The following ILDR1 variants were observed in gnomAD, a reference collection of about 807,000 sequenced individuals.
ILDR1 encodes immunoglobulin like domain containing receptor 1.
In ILDR1, 56 loss-of-function variants were observed where a neutral mutation model predicts 62.4. The observed-to-expected ratio is 0.90, with a 90% confidence interval of 0.72 to 1.12. The LOEUF (loss-of-function observed/expected upper bound fraction) is 1.12, where lower values mean the gene tolerates loss of function less well. Ranked by LOEUF, ILDR1 falls within the 50% of genes most tolerant of loss-of-function variation. The pLI is 0.00. For missense variants in ILDR1, 736 were observed against 710.6 expected (o/e 1.04, Z -0.41); for synonymous variants, 284 against 277.8 (o/e 1.02, Z -0.22).
the ILDR1 span, among the ~76,000 whole-genome samples, chr3:122,052,137 C>T: frequency 6.6e-6 from 1 of 152,152 alleles, no homozygotes. Context: ...TTCTATTTTT[C>T]TCTTGCCCTC....
intron 1 of ILDR1, among the ~76,000 whole-genome samples, chr3:122,011,138 G>A (rs1303443528): frequency 5.3e-5 from 8 of 152,190 alleles, no homozygotes. Flanking sequence ...CTCTGACACA[G>A]TAAAATAAAG....
the ILDR1 span, among the ~76,000 whole-genome samples, chr3:122,059,685 CG>C: frequency 4.6e-5 from 7 of 152,070 alleles, no homozygotes; most frequent in African/African-American, 1.7e-4. Flanking sequence ...ACATGTTAAG[CG>C]TTGAATTGTG....
At chr3:122,045,079 A>T in the ILDR1 span, among the ~76,000 whole-genome samples, 3 of 151,452 alleles carry the variant, frequency 2.0e-5, no homozygotes, top group East Asian at 5.8e-4. Flanking sequence ...CCCTCTACAC[A>T]CTGCTTTAAA....
At chr3:122,029,379 C>T in the ILDR1 span, among the ~76,000 whole-genome samples, 11 of 151,844 alleles carry the variant, frequency 7.2e-5, no homozygotes, top group Non-Finnish European at 1.5e-5. Flanking sequence ...TGGTGGTGCA[C>T]ACCTGTAATC....
At chr3:122,059,499 G>A in the ILDR1 span, among the ~76,000 whole-genome samples, 3 of 150,302 alleles carry the variant, frequency 2.0e-5, no homozygotes, top group African/African-American at 4.9e-5. Context: ...TAGCACCACG[G>A]CACTCCAGCC....
chr3:122,031,251 G>T, the ILDR1 span, among the ~76,000 whole-genome samples: 1 of 152,176 alleles, frequency 6.6e-6, no homozygotes, highest in African/African-American at 2.4e-5. Flanking sequence ...GAGTTAACTA[G>T]ATCAGTAGTT....
rs750206934 is a variant in ILDR1, at chr3:121,988,399, T to G, written c.1609A>C (p.Ser537Arg). ...GSVERRSEKD[S>R]SHSGRSVVI Reference sequence around the variant, plus strand: ...ACCACACTCCTTCCACTATGAGAGCTGTCTTTCTCCTGGGAAATAGAAGAA... The same window carrying G: ...ACCACACTCCTTCCACTATGAGAGCGGTCTTTCTCCTGGGAAATAGAAGAA... The change falls in exon 8 of 8, where the codon AGC becomes CGC. Residue 537 changes from serine to arginine, a missense_variant. Physicochemically the swap from Ser to Arg is moderately radical, Grantham distance 110 (BLOSUM62 -1). Transcript: ENST00000344209. The G allele has an allele frequency of 1.2e-6, 2 of 1,613,524 alleles. No homozygotes were observed. Among genetic ancestry groups the G allele is most frequent in the Admixed American group, 1.7e-5 (1 of 59,992 alleles).
chr3:122,005,213 C>CCCCTTCCCCAGA, intron 3 of ILDR1, 31 bp downstream of exon 3: 1 of 1,268,180 alleles, frequency 7.9e-7, no homozygotes, highest in Non-Finnish European at 1.1e-6. Flanking sequence ...CCCCCCACCC[C>CCCCTTCCCCAGA]CAGTTCCCCT....
At chr3:122,048,472 AT>A in the ILDR1 span, among the ~76,000 whole-genome samples, 2 of 152,164 alleles carry the variant, frequency 1.3e-5, no homozygotes, top group East Asian at 3.8e-4. Context: ...TCCTCTTCAA[AT>A]TTTTGGAAGA....
chr3:121,993,871 A>G lies in ILDR1; in HGVS notation c.878T>C (p.Leu293Pro), dbSNP rs1287994068. Residue 293 changes from leucine (L) to proline (P), a missense_variant, in exon 7 of 8, where the codon CTG becomes CCG. By Grantham distance (98) the Leu-to-Pro change is moderately conservative. Coordinates refer to ENST00000344209, the MANE Select transcript of ILDR1 (RefSeq NM_001199799.2). ...NGVLEYLEKE[L>P]RNLNLAQPLP... ...AGGCTGGGCCAGGTTGAGGTTCCGC[A>G]GTTCTTTCTCCAAATACTCCAGGAC... 7.4e-6 allele frequency: 12 copies of G among 1,614,128 alleles called. No individual in the cohort carries two copies. The highest frequency in any genetic ancestry group is 1.0e-5 in the Non-Finnish European group (12 of 1,180,026).
chr3:122,013,924 A>G (rs936159413), intron 1 of ILDR1, among the ~76,000 whole-genome samples: 15 of 152,136 alleles, frequency 9.9e-5, no homozygotes, highest in African/African-American at 3.4e-4. Context: ...ATCTCATTTA[A>G]CCTTTGCAAG....
chr3:122,008,903 C>T (rs748317497), intron 1 of ILDR1, among the ~76,000 whole-genome samples: 4 of 150,704 alleles, frequency 2.7e-5, no homozygotes, highest in Non-Finnish European at 1.5e-5. Context: ...TGAGCCACTG[C>T]ACCTGGCCTT....
At chr3:122,006,489 TG>T (rs557264001) in intron 2 of ILDR1, among the ~76,000 whole-genome samples, 2 of 151,982 alleles carry the variant, frequency 1.3e-5, no homozygotes, top group South Asian at 2.1e-4. Context: ...AAGGGCTGCC[TG>T]GGGGGGCACT....
chr3:122,047,081 G>A, the ILDR1 span, among the ~76,000 whole-genome samples: 1 of 146,000 alleles, frequency 6.8e-6, no homozygotes, highest in Non-Finnish European at 1.5e-5. Flanking sequence ...TGATGGTGAT[G>A]TACAGATGGG....
chr3:122,053,834 C>G, the ILDR1 span, among the ~76,000 whole-genome samples: 2 of 152,084 alleles, frequency 1.3e-5, no homozygotes, highest in Admixed American at 6.5e-5. Flanking sequence ...ACACTGCTAC[C>G]AAGAAACTGA....
intron 1 of ILDR1, among the ~76,000 whole-genome samples, chr3:122,012,164 T>C (rs190092048): frequency 6.6e-6 from 1 of 152,312 alleles, no homozygotes; most frequent in African/African-American, 2.4e-5. Flanking sequence ...ACACTGGGCA[T>C]GCACAGAACT....
chr3:122,032,654 G>A, the ILDR1 span, among the ~76,000 whole-genome samples: 1 of 152,190 alleles, frequency 6.6e-6, no homozygotes, highest in Non-Finnish European at 1.5e-5. Context: ...AAGTGGTAGT[G>A]TATTACCTCC....
intron 5 of ILDR1, among the ~76,000 whole-genome samples, chr3:121,999,758 G>C (rs1382777342): frequency 1.3e-5 from 2 of 152,146 alleles, no homozygotes; most frequent in African/African-American, 4.8e-5. Flanking sequence ...GCCATGACGG[G>C]ATGGGAGGTC....
intron 1 of ILDR1, among the ~76,000 whole-genome samples, chr3:122,007,613 C>G (rs977164465): frequency 8.5e-5 from 13 of 152,284 alleles, no homozygotes; most frequent in Middle Eastern, 6.8e-3. Flanking sequence ...TCTCGTCTGC[C>G]CCGTGTCCCT....
Sources: allele counts gnomAD v4.1 joint callset (sites outside exome capture counted in the v4.1 genomes callset), GRCh38; gene constraint gnomAD v4.1.1; transcripts MANE v1.5; gene names NCBI Gene and HGNC (gene_info 2026-07-23, HGNC 2026-07-21).